The following ALDH3B2 variants were observed in gnomAD, a reference collection of about 807,000 sequenced individuals.
ALDH3B2 encodes aldehyde dehydrogenase 3 family member B2, also known as aldehyde dehydrogenase family 3 member B2.
ALDH3B2 carries 45 observed loss-of-function variants against 36.7 expected under a neutral mutation model. The observed-to-expected ratio is 1.23, with a 90% CI of 0.97 to 1.57. The LOEUF is 1.57. ALDH3B2 is among the 40% of genes most tolerant of loss of function. The probability of loss-of-function intolerance (pLI) is 0.00; values close to 1 mark genes in which losing one functional copy is unlikely to be tolerated. For missense variants in ALDH3B2, 464 were observed against 513.3 expected, an observed-to-expected ratio of 0.90 and a Z score of 0.93; for synonymous variants, 217 against 226.5, an observed-to-expected ratio of 0.96 and a Z score of 0.38.
chr11:67,678,065 C>A (rs1856302729), upstream of ALDH3B2, among the ~76,000 whole-genome samples: 1 of 152,140 alleles, frequency 6.6e-6, no homozygotes. Flanking sequence ...AAATTCAACA[C>A]AATCTCCATC....
intron 7 of ALDH3B2, among the ~76,000 whole-genome samples, 179 bp from the exon 8 acceptor site, chr11:67,664,741 A>T (rs1358999992): frequency 6.6e-6 from 1 of 152,130 alleles, no homozygotes; most frequent in Non-Finnish European, 1.5e-5. Flanking sequence ...AGCCCCCCAG[A>T]AGGGACCCTA....
chr11:67,664,358 C>T (rs780108935), intron 8 of ALDH3B2, 38 bp downstream of exon 8: 1 of 1,612,768 alleles, frequency 6.2e-7, no homozygotes, highest in Non-Finnish European at 8.5e-7. Context: ...GTGCCCCTTT[C>T]AGCCCCTCCA....
upstream of ALDH3B2, among the ~76,000 whole-genome samples, chr11:67,677,631 G>T (rs977535908): frequency 2.6e-5 from 4 of 151,984 alleles, no homozygotes; most frequent in African/African-American, 9.7e-5. Flanking sequence ...AAGAAATAGG[G>T]GCATCTGAAT....
chr11:67,664,255 GT>G (rs1178022051), intron 8 of ALDH3B2, 140 bp downstream of exon 8: 16 of 1,324,416 alleles, frequency 1.2e-5, no homozygotes, highest in Non-Finnish European at 1.7e-5. Context: ...GCCGGATGCA[GT>G]GGTACCAGGT....
upstream of ALDH3B2, among the ~76,000 whole-genome samples, chr11:67,679,543 G>A (rs137877532): frequency 6.7e-4 from 102 of 152,116 alleles, no homozygotes; most frequent in African/African-American, 2.3e-3. Flanking sequence ...AGTTTGGGAG[G>A]TGGAAGTGGG....
At chr11:67,673,207 G>A (rs1179518916) in intron 1 of ALDH3B2, among the ~76,000 whole-genome samples, 1 of 152,140 alleles carries the variant, frequency 6.6e-6, no homozygotes, top group Non-Finnish European at 1.5e-5. Flanking sequence ...TGGGATTACA[G>A]GCAAAATAAA....
intron 1 of ALDH3B2, among the ~76,000 whole-genome samples, 156 bp downstream of exon 1, chr11:67,674,279 AC>A (rs1267084902): frequency 3.3e-5 from 5 of 152,020 alleles, no homozygotes; most frequent in Non-Finnish European, 5.9e-5. Context: ...CAAGCCCCGT[AC>A]CCATGGCCCC....
At chr11:67,662,718 T>A (rs1256542680) in exon 10 of ALDH3B2, 1 of 178,428 alleles carries the variant, frequency 5.6e-6, no homozygotes, top group African/African-American at 2.4e-5. Context: ...ACCAGAGGGG[T>A]GGTGCAGAGA....
chr11:67,670,097 G>T (rs146088084), intron 1 of ALDH3B2, among the ~76,000 whole-genome samples: 1 of 10,390 alleles, frequency 9.6e-5, no homozygotes, highest in Non-Finnish European at 3.1e-4. Flanking sequence ...TGTGTGTATG[G>T]GTGTCTGTGT....
At chr11:67,678,278 G>A (rs1856306172), upstream of ALDH3B2, among the ~76,000 whole-genome samples, 1 of 152,134 alleles carries the variant, frequency 6.6e-6, no homozygotes, top group Non-Finnish European at 1.5e-5. Context: ...TAGGCACACA[G>A]ACCAATGGAA....
At chr11:67,667,212 C>A (rs1423039086) in intron 2 of ALDH3B2, among the ~76,000 whole-genome samples, 196 bp from the exon 3 acceptor site, 4 of 152,180 alleles carry the variant, frequency 2.6e-5, no homozygotes, top group Non-Finnish European at 5.9e-5. Flanking sequence ...TGGCCTTGGG[C>A]AAGCGATGTT....
upstream of ALDH3B2, among the ~76,000 whole-genome samples, chr11:67,677,180 T>C (rs1405227581): frequency 6.6e-6 from 1 of 152,188 alleles, no homozygotes; most frequent in Non-Finnish European, 1.5e-5. Context: ...ATATCCTTGA[T>C]GAACATAGAT....
exon 1 of ALDH3B2, chr11:67,674,540 C>T (rs996405244): frequency 1.9e-5 from 3 of 159,976 alleles, no homozygotes; most frequent in Non-Finnish European, 4.1e-5. Flanking sequence ...CAGGCCTCAG[C>T]CCTGCTCTGC....
chr11:67,666,030 G>A, intron 6 of ALDH3B2, 92 bp downstream of exon 6: 2 of 1,488,838 alleles, frequency 1.3e-6, no homozygotes, highest in Non-Finnish European at 9.3e-7. Context: ...TGCCCCCACT[G>A]CTGGCCCCAG....
intron 7 of ALDH3B2, among the ~76,000 whole-genome samples, 187 bp downstream of exon 7, chr11:67,665,098 G>A (rs940645462): frequency 1.3e-5 from 2 of 152,192 alleles, no homozygotes; most frequent in African/African-American, 4.8e-5. Context: ...ACCAGAGTAT[G>A]GCCTCATGGG....
exon 7 of ALDH3B2, chr11:67,665,644 A>G: frequency 6.2e-7 from 1 of 1,612,592 alleles, no homozygotes; most frequent in South Asian, 1.1e-5. Context: ...GGCAGCAGTC[A>G]TGACAATCTT....
At chr11:67,678,751 T>TG (rs1412227481), upstream of ALDH3B2, among the ~76,000 whole-genome samples, 1 of 150,824 alleles carries the variant, frequency 6.6e-6, no homozygotes, top group Non-Finnish European at 1.5e-5. Flanking sequence ...ATACATACTA[T>TG]GATATATATA....
chr11:67,664,298 C>G (rs1855834071), intron 8 of ALDH3B2, 98 bp downstream of exon 8: 1 of 1,566,096 alleles, frequency 6.4e-7, no homozygotes, highest in Admixed American at 1.7e-5. Context: ...GAGGCATCTG[C>G]TGCTCTAAAG....
At chr11:67,666,820 C>T in intron 3 of ALDH3B2, 86 bp downstream of exon 3, 1 of 1,610,786 alleles carries the variant, frequency 6.2e-7, no homozygotes, top group Non-Finnish European at 8.5e-7. Context: ...AGTGACTCGC[C>T]CGGGGCCTCA....
Sources: gnomAD v4.1 joint callset for allele counts (sites outside exome capture counted in the v4.1 genomes callset) on GRCh38, gnomAD v4.1.1 for gene constraint, MANE v1.5 for transcripts, NCBI Gene and HGNC (gene_info 2026-07-23, HGNC 2026-07-21) for gene names.